The following TNN variants were observed in gnomAD, a reference collection of about 807,000 sequenced individuals.
TNN encodes the protein tenascin N.
In TNN, 122 loss-of-function variants were observed where a neutral mutation model predicts 134.4. The ratio of observed to expected loss-of-function variants is 0.91; its 90% CI spans 0.78 to 1.06. The LOEUF is 1.06. TNN is among the 50% of genes least tolerant of loss of function. TNN has a pLI of 0.00. For synonymous variants in TNN, 710 were observed against 670.3 expected (o/e 1.06, Z -0.91); for missense variants, 1,739 against 1,699.4 (o/e 1.02, Z -0.41).
At chr1:175,127,625 C>A (rs548561552) in intron 13 of TNN, among the ~76,000 whole-genome samples, 2 of 152,216 alleles carry the variant, frequency 1.3e-5, no homozygotes, top group Non-Finnish European at 2.9e-5. Flanking sequence ...TCAACTATCT[C>A]CTTGTCTCAG....
In TNN at chr1:175,147,159, G is replaced by T; in HGVS notation, c.*88G>T. ...GTAGTGGTCACTGCGGTCTGGGAGT[G>T]CTCAGATAGCCCGCAGAACAAATCA... On this transcript the variant is annotated 3_prime_UTR_variant, in exon 19 of 19. Coordinates refer to ENST00000239462, the MANE Select transcript of TNN (RefSeq NM_022093.2). The T allele has an allele frequency of 8.0e-7, 1 of 1,256,358 alleles. No homozygotes were observed. Among genetic ancestry groups the T allele is most frequent in the Non-Finnish European group, 1.0e-6 (1 of 953,492 alleles). 77.8% of individuals were successfully genotyped at this position (1,256,358 alleles called of 1,614,324 possible).
At chr1:175,135,175 A>G (rs1193042678) in intron 15 of TNN, among the ~76,000 whole-genome samples, 1 of 152,296 alleles carries the variant, frequency 6.6e-6, no homozygotes, top group Admixed American at 6.5e-5. Context: ...GTTCTGTTGC[A>G]TCTTTCCCTC....
intron 7 of TNN, 142 bp from the exon 8 acceptor site, chr1:175,097,275 T>C: frequency 1.2e-5 from 13 of 1,085,042 alleles, no homozygotes; most frequent in Non-Finnish European, 1.7e-5. Flanking sequence ...ATTTGCTTAA[T>C]TAGACCTTTA....
intron 12 of TNN, 54 bp downstream of exon 12, chr1:175,123,717 T>C (rs1161208798): frequency 1.9e-6 from 3 of 1,601,614 alleles, no homozygotes; most frequent in Non-Finnish European, 2.6e-6. Flanking sequence ...GGAGAGAACC[T>C]TCCTCCATCA....
intron 1 of TNN, among the ~76,000 whole-genome samples, chr1:175,073,309 C>T (rs6683073): frequency 0.58 from 87,610 of 151,868 alleles, 26,571 homozygotes; most frequent in African/African-American, 0.79. Flanking sequence ...TGGAGAATAG[C>T]GTGTGGCTTT....
intron 6 of TNN, among the ~76,000 whole-genome samples, chr1:175,088,268 C>T (rs1222992650): frequency 2.0e-5 from 3 of 152,168 alleles, no homozygotes; most frequent in South Asian, 2.1e-4. Flanking sequence ...CACCCCCTTT[C>T]TGAGGCTACC....
chr1:175,144,966 G>A (rs1438651015), intron 18 of TNN, among the ~76,000 whole-genome samples: 1 of 152,146 alleles, frequency 6.6e-6, no homozygotes, highest in Non-Finnish European at 1.5e-5. Flanking sequence ...AGATCAGACT[G>A]CTGGCAGATT....
chr1:175,128,935 A>C (rs949290793), intron 15 of TNN, among the ~76,000 whole-genome samples, 189 bp downstream of exon 15: 1 of 152,168 alleles, frequency 6.6e-6, no homozygotes, highest in Admixed American at 6.5e-5. Flanking sequence ...CCCCATCCAG[A>C]TCCCAAGAGA....
chr1:175,106,526 A>G (rs1370843538), intron 9 of TNN, among the ~76,000 whole-genome samples: 1 of 146,006 alleles, frequency 6.8e-6, no homozygotes, highest in South Asian at 2.3e-4. Flanking sequence ...ACTAGAAATC[A>G]TTCTTATAGG....
Position 175,147,168 on chromosome 1 carries a change from G to C in TNN, c.*97G>C. The C allele has an allele frequency of 8.3e-7, 1 of 1,210,188 alleles. No homozygotes were observed. Among genetic ancestry groups the C allele is most frequent in the Non-Finnish European group, 1.1e-6 (1 of 918,992 alleles). The allele number at this position is 1,210,188 out of a possible 1,614,324, so 75.0% of individuals were successfully genotyped here. A position where few individuals can be genotyped will look rare whatever the true frequency, so the allele number is the denominator to read the frequency against. On this transcript the variant is annotated 3_prime_UTR_variant, in exon 19 of 19. Transcript: ENST00000239462. ...ACTGCGGTCTGGGAGTGCTCAGATA[G>C]CCCGCAGAACAAATCATGTCACCAA...
chr1:175,112,243 T>C (rs1340107657), intron 9 of TNN, among the ~76,000 whole-genome samples: 1 of 151,182 alleles, frequency 6.6e-6, no homozygotes, highest in East Asian at 1.9e-4. Context: ...TCTATTGAGA[T>C]GATATTTTTT....
chr1:175,123,686 G>C (rs188813722), intron 12 of TNN, 23 bp downstream of exon 12: 1 of 1,613,520 alleles, frequency 6.2e-7, no homozygotes, highest in Admixed American at 1.7e-5. Flanking sequence ...ACCAGGCCAG[G>C]GGAACACCTC....
chr1:175,134,206 C>G (rs536762961), intron 15 of TNN, among the ~76,000 whole-genome samples: 2 of 152,258 alleles, frequency 1.3e-5, no homozygotes, highest in African/African-American at 4.8e-5. Flanking sequence ...ACTAGCACAC[C>G]TCAGAAATAA....
At chr1:175,140,848 G>A (rs1284076405) in intron 17 of TNN, among the ~76,000 whole-genome samples, 1 of 152,146 alleles carries the variant, frequency 6.6e-6, no homozygotes, top group African/African-American at 2.4e-5. Flanking sequence ...ACACTGATTT[G>A]TCCATGAGGA....
intron 9 of TNN, among the ~76,000 whole-genome samples, chr1:175,114,314 A>G (rs1464372851): frequency 1.3e-5 from 2 of 152,212 alleles, no homozygotes; most frequent in Non-Finnish European, 2.9e-5. Flanking sequence ...GCTGTGTTTG[A>G]CATCAGCAAT....
chr1:175,071,362 G>A (rs941004237), intron 1 of TNN, among the ~76,000 whole-genome samples: 1 of 152,134 alleles, frequency 6.6e-6, no homozygotes, highest in African/African-American at 2.4e-5. Context: ...CAGGATTCAG[G>A]GGCCATCCTC....
At chr1:175,116,459 A>G (rs1207005305) in intron 9 of TNN, among the ~76,000 whole-genome samples, 1 of 152,224 alleles carries the variant, frequency 6.6e-6, no homozygotes, top group Admixed American at 6.5e-5. Context: ...AACTTGCCCC[A>G]AGTCACAAAA....
chr1:175,098,557 A>C lies in TNN; in HGVS notation c.2081A>C (p.Asp694Ala), dbSNP rs757352804. The C allele has an allele frequency of 9.3e-6, 15 of 1,613,910 alleles. No homozygotes were observed. In the Admixed American group the frequency reaches 2.2e-4, roughly 23 times the overall value. The change falls in exon 9 of 19, where the codon GAC becomes GCC. Residue 694 changes from aspartate (D) to alanine (A), a missense_variant. By Grantham distance (126) the Asp-to-Ala change is moderately radical (BLOSUM62 -2). Transcript: ENST00000239462. ...GTGCACGTGTGGGCCCAGAAGGGGG[A>C]CCAGGAGAGCAAGAAGGCCGACACC... ...YMVHVWAQKG[D>A]QESKKADTKA...
chr1:175,122,209 CTGTCTTT>C (rs1675394861), intron 11 of TNN, among the ~76,000 whole-genome samples: 1 of 116,448 alleles, frequency 8.6e-6, no homozygotes. Flanking sequence ...TGGTGAAATC[CTGTCTTT>C]ACAAAAAAAA....
Sources: gnomAD v4.1 joint callset for allele counts (sites outside exome capture counted in the v4.1 genomes callset) on GRCh38, gnomAD v4.1.1 for gene constraint, MANE v1.5 for transcripts, NCBI Gene and HGNC (gene_info 2026-07-23, HGNC 2026-07-21) for gene names.